Variants in MCF2L observed in about 807,000 individuals in gnomAD.
MCF2L encodes guanine nucleotide exchange factor DBS.
In MCF2L, 97 loss-of-function variants were observed where a neutral mutation model predicts 153.4. The observed-to-expected ratio is 0.63, with a 90% CI of 0.54 to 0.75. MCF2L has a LOEUF of 0.75. Ranked by LOEUF, MCF2L falls within the 30% of genes least tolerant of loss-of-function variation. MCF2L has a pLI of 0.00. For missense variants in MCF2L, 1,347 were observed against 1,495.2 expected, an observed-to-expected ratio of 0.90 and a Z score of 1.64; for synonymous variants, 659 against 632.2, an observed-to-expected ratio of 1.04 and a Z score of -0.64.
intron 1 of MCF2L, among the ~76,000 whole-genome samples, chr13:113,006,160 G>A (rs900057975): frequency 8.5e-5 from 13 of 152,276 alleles, no homozygotes; most frequent in African/African-American, 2.4e-4. Context: ...GACGCATGTC[G>A]GCACCCTCCC....
In MCF2L at chr13:113,099,068, A is replaced by C. The variant is rs1356661721; in HGVS notation, c.*2209A>C. On this transcript the variant is annotated 3_prime_UTR_variant, in exon 30 of 30. Coordinates refer to ENST00000535094, the MANE Select transcript of MCF2L (RefSeq NM_001112732.3). ...ATTTATATATAGATTGGAGATTTAAAATAAAAGAAGACAGAACAGACAAAC... is the reference window on the plus strand; with the variant it reads ...ATTTATATATAGATTGGAGATTTAACATAAAAGAAGACAGAACAGACAAAC... 6.6e-6 allele frequency: 1 copy of C among 152,244 alleles called. No homozygotes were observed. The highest frequency in any genetic ancestry group is 1.5e-5 in the Non-Finnish European group (1 of 68,058). 9.4% of individuals were successfully genotyped at this position (152,244 alleles called of 1,614,324 possible).
chr13:113,065,955 C>G, intron 7 of MCF2L, 91 bp from the exon 8 acceptor site: 1 of 1,383,998 alleles, frequency 7.2e-7, no homozygotes, highest in East Asian at 2.6e-5. Context: ...AGTCCCCGCC[C>G]CCTCAAGAGC....
intron 9 of MCF2L, among the ~76,000 whole-genome samples, chr13:113,071,416 T>C (rs2032907156): frequency 6.6e-6 from 1 of 152,234 alleles, no homozygotes; most frequent in African/African-American, 2.4e-5. Flanking sequence ...TTTGACGAAC[T>C]CCAATTTGTC....
chr13:113,047,333 A>T (rs1055965013), intron 4 of MCF2L: 6 of 152,378 alleles, frequency 3.9e-5, no homozygotes, highest in South Asian at 2.1e-4. Context: ...AAAAGCCATC[A>T]CCAGCTAACA....
At chr13:113,026,875 G>A (rs1462088482) in intron 3 of MCF2L, 1 of 744,524 alleles carries the variant, frequency 1.3e-6, no homozygotes, top group Non-Finnish European at 2.5e-6. Context: ...CCAGCGGCGG[G>A]CAGGAGAGCA....
Position 112,930,936 on chromosome 13 carries a change from C to CAAAT in MCF2L, c.169+28579_169+28582dup, listed in dbSNP as rs375894935. Reference sequence around the variant, plus strand: ...TGGGTGACAGAGTGAGACTCCGTCTCAAATAAATAAATAAATAGTAAAAAT... The same window carrying CAAAT: ...TGGGTGACAGAGTGAGACTCCGTCTCAAATAAATAAATAAATAAATAGTAAAAAT... On this transcript the variant is annotated intron_variant, in intron 2 of 29. Transcript: ENST00000375608. 8.5e-5 allele frequency among the ~76,000 whole-genome samples: 13 copies of CAAAT among 152,238 alleles called. No individual in the cohort carries two copies. In the South Asian group the frequency reaches 1.0e-3, roughly 12 times the overall value.
chr13:113,078,570 C>G, intron 14 of MCF2L, 96 bp from the exon 15 acceptor site: 1 of 1,410,962 alleles, frequency 7.1e-7, no homozygotes, highest in South Asian at 1.2e-5. Context: ...GGAATTCAGC[C>G]CTGTCCCCAT....
rs570806970 is a variant in MCF2L at position 112,960,937 on chromosome 13, T to G, written c.170-53826T>G. Among the ~76,000 whole-genome samples the G allele has an allele frequency of 2.0e-4, 30 of 152,308 alleles. No individual in the cohort carries two copies. In the East Asian group the frequency reaches 5.6e-3, roughly 29 times the overall value. On this transcript the variant is annotated intron_variant, in intron 2 of 29. Coordinates refer to the MCF2L transcript ENST00000375608. This position sits in a 1 kb window ranked among gnomAD's most constrained non-coding sequence, Gnocchi z 4.2. ...GGGCCCAGGTTCTACCGTGAGTGACTGCAGGCCGTGCCGCAGCTCAAGTGG... is the reference window on the plus strand; with the variant it reads ...GGGCCCAGGTTCTACCGTGAGTGACGGCAGGCCGTGCCGCAGCTCAAGTGG...
At chr13:112,917,234 A>C (rs2081303105) in intron 2 of MCF2L, 2 of 466,520 alleles carry the variant, frequency 4.3e-6, no homozygotes, top group Non-Finnish European at 8.9e-6. Context: ...CAGAGCCTCC[A>C]CCCGCATCCT....
intron 16 of MCF2L, 103 bp downstream of exon 16, chr13:113,081,382 C>A: frequency 7.7e-6 from 9 of 1,167,746 alleles, no homozygotes; most frequent in Non-Finnish European, 1.1e-5. Context: ...TGCTGTCCAC[C>A]AAATGCATGT....
rs928741150 is a variant in MCF2L, at chr13:113,085,469, C to T, written c.2247+291C>T. Among the ~76,000 whole-genome samples the T allele has an allele frequency of 2.0e-5, 3 of 152,208 alleles. No homozygotes were observed. The East Asian group carries it at 5.8e-4, about 29-fold the overall frequency. On this transcript the variant is annotated intron_variant, in intron 20 of 29. Transcript: ENST00000535094. ...CCGTCCCTCCAGGGTGGAGCCGTGC[C>T]CGGATTATCTGGCACACAGCAGGGA...
In MCF2L at chr13:113,075,986, AG is replaced by A; in HGVS notation, c.1332del (p.Ile445PhefsTer80). 1.2e-6 allele frequency: 2 copies of A among 1,610,540 alleles called. No homozygotes were observed. The highest frequency in any genetic ancestry group is 1.7e-6 in the Non-Finnish European group (2 of 1,178,504). ...TCCAGTCCATGAAGTGGTGTGATGA[AG>A]GGATTTACCTGCTGGCCTCACAACC... Reference protein sequence around the residue: ...LETSMKWCDEGIYLLASQPVD... With the variant: ...LETSMKWCDEXIYLLASQPVD... On this transcript the variant is annotated frameshift_variant, in exon 12 of 30. Coordinates refer to ENST00000535094, the MANE Select transcript of MCF2L (RefSeq NM_001112732.3). LOFTEE classifies it high-confidence loss of function.
intron 1 of MCF2L, among the ~76,000 whole-genome samples, chr13:112,895,187 T>C (rs1036217452): frequency 1.3e-5 from 2 of 152,050 alleles, no homozygotes; most frequent in Admixed American, 1.3e-4. Flanking sequence ...TTATATAGGA[T>C]GCTGCGGGAG....
At chr13:112,980,135 T>C (rs2082354895) in intron 1 of MCF2L, among the ~76,000 whole-genome samples, 1 of 151,722 alleles carries the variant, frequency 6.6e-6, no homozygotes, top group Non-Finnish European at 1.5e-5. Context: ...ACAAGAGGTG[T>C]GTTTTGGGTG....
chr13:113,071,058 G>C (rs770521183), intron 9 of MCF2L, among the ~76,000 whole-genome samples: 3 of 152,106 alleles, frequency 2.0e-5, no homozygotes, highest in Non-Finnish European at 4.4e-5. Flanking sequence ...AGCACGTGGT[G>C]GGGTAGTGAT....
chr13:112,979,589 CA>C, intron 1 of MCF2L: 2 of 1,596,386 alleles, frequency 1.3e-6, no homozygotes, highest in Non-Finnish European at 1.7e-6. Flanking sequence ...GCTCTAGCAT[CA>C]GGGGGTCGCC....
Position 113,031,227 on chromosome 13 carries a change from CAG to C in MCF2L, c.278+6475_278+6476del, listed in dbSNP as rs1027017694. 2.2e-5 allele frequency among the ~76,000 whole-genome samples: 3 copies of C among 135,962 alleles called. No homozygotes were observed. Among genetic ancestry groups the C allele is most frequent in the South Asian group, 2.4e-4 (1 of 4,216 alleles). The allele number at this position is 135,962 out of a possible 152,430, so 89.2% of individuals were successfully genotyped here. ...AGACAGAGACAGAGACAGAGAGAGA[CAG>C]AGAGAAGAGACAGAGAGTGACAGAG... is the stretch of plus-strand genomic sequence containing the variant. On this transcript the variant is annotated intron_variant, in intron 3 of 29. Coordinates refer to ENST00000535094, the MANE Select transcript of MCF2L (RefSeq NM_001112732.3). The surrounding 1 kb of genome is among the most constrained non-coding windows in gnomAD (Gnocchi z 5.5).
rs1378537617 is a variant in MCF2L, at chr13:112,904,114, G to A, written c.169+1743G>A. Among the ~76,000 whole-genome samples, 1 of 152,046 alleles carries A rather than the reference G, an allele frequency of 6.6e-6. No homozygotes were observed. Among genetic ancestry groups the A allele is most frequent in the East Asian group, 1.9e-4 (1 of 5,184 alleles). ...CTCGCGTGGACCAGCTCTGGGGACT[G>A]AGGAGCTGGCCGCGGTTAGGGTTAG... On this transcript the variant is annotated intron_variant, in intron 2 of 29. Transcript: ENST00000375608. This position sits in a 1 kb window ranked among gnomAD's most constrained non-coding sequence, Gnocchi z 4.2.
At chr13:113,002,047 C>T (rs941175987) in intron 1 of MCF2L, 122 of 1,440,870 alleles carry the variant, frequency 8.5e-5, no homozygotes, top group Non-Finnish European at 7.6e-5. Flanking sequence ...AGTGCGGGGA[C>T]GCCGGGCGGG....
Sources: allele counts gnomAD v4.1 joint callset (sites outside exome capture counted in the v4.1 genomes callset), GRCh38; gene constraint gnomAD v4.1.1; non-coding constraint Gnocchi (gnomAD v3.1); transcripts MANE v1.5; gene names NCBI Gene and HGNC (gene_info 2026-07-23, HGNC 2026-07-21).